Variants in MED1 observed in about 807,000 individuals in gnomAD.
MED1 encodes mediator of RNA polymerase II transcription subunit 1.
MED1 carries 17 observed loss-of-function variants against 121.3 expected under a neutral mutation model. The ratio of observed to expected loss-of-function variants is 0.14; its 90% CI spans 0.10 to 0.21. The LOEUF (loss-of-function observed/expected upper bound fraction) is 0.21. MED1 is among the 10% of genes least tolerant of loss of function. The pLI, the probability that MED1 is intolerant of heterozygous loss-of-function variation, is 1.00. For synonymous variants in MED1, 661 were observed against 694.4 expected (o/e 0.95, Z 0.76); for missense variants, 1,558 against 1,919.4 (o/e 0.81, Z 3.52).
intron 1 of MED1, among the ~76,000 whole-genome samples, chr17:39,450,026 C>G (rs1387307531): frequency 6.6e-6 from 1 of 151,796 alleles, no homozygotes; most frequent in Admixed American, 6.6e-5. Flanking sequence ...GTTGGTCAGG[C>G]TGGTCTCGAT....
intron 10 of MED1, among the ~76,000 whole-genome samples, chr17:39,426,730 C>A (rs112840084): frequency 2.6e-5 from 4 of 152,020 alleles, no homozygotes; most frequent in African/African-American, 7.2e-5. Flanking sequence ...GACAGGGTTT[C>A]TCCATGTTGG....
Position 39,406,559 on chromosome 17 carries a change from CTT to C in MED1, c.*914_*915del, listed in dbSNP as rs11390065. ...TTTACATCCCAACAAGCCACCTTAG[CTT>C]TTTTTTTTTTTTTTGAAAGGAAAAT... On this transcript the variant is annotated 3_prime_UTR_variant, in exon 17 of 17. Coordinates refer to ENST00000300651, the MANE Select transcript of MED1 (RefSeq NM_004774.4). The C allele has an allele frequency of 3.4e-4, 311 of 906,312 alleles. No individual in the cohort carries two copies. The highest frequency in any genetic ancestry group is 5.7e-4 in the Middle Eastern group (1 of 1,766). 56.1% of individuals were successfully genotyped at this position (906,312 alleles called of 1,614,324 possible).
intron 3 of MED1, among the ~76,000 whole-genome samples, chr17:39,442,469 C>A (rs775451132): frequency 1.4e-5 from 2 of 138,112 alleles, no homozygotes; most frequent in African/African-American, 6.3e-5. Flanking sequence ...TGGTGGGACG[C>A]GCCTGTAGTC....
At chr17:39,420,530 A>G (rs1336264137) in intron 13 of MED1, among the ~76,000 whole-genome samples, 1 of 151,964 alleles carries the variant, frequency 6.6e-6, no homozygotes, top group Non-Finnish European at 1.5e-5. Context: ...TAAAACACCT[A>G]TATAATAATA....
In MED1 at chr17:39,434,302, T is replaced by G; in HGVS notation, c.447A>C (p.Glu149Asp). The G allele has an allele frequency of 6.4e-7, 1 of 1,565,186 alleles. No individual in the cohort carries two copies. ...VQQLREKNFD[E>D]FSKHLKGLVN... The stretch of plus-strand genomic sequence containing the variant: ...CAAGGCCCTTAAGGTGCTTAGAAAA[T>G]TCATCAAAATTTTTTTCCCTATAAG... Residue 149 changes from glutamate to aspartate, a missense_variant, in exon 7 of 17, where the codon GAA becomes GAC. By Grantham distance (45) the Glu-to-Asp change is conservative. This residue lies in a region of MED1 where 443 missense variants were observed against 532.4 expected (regional missense o/e 0.83). Transcript: ENST00000300651.
intron 6 of MED1, among the ~76,000 whole-genome samples, chr17:39,437,419 G>A (rs2048630577): frequency 6.6e-6 from 1 of 152,070 alleles, no homozygotes; most frequent in African/African-American, 2.4e-5. Flanking sequence ...CCCAACCAGG[G>A]GTGATTTTGT....
At position 39,410,596 on chromosome 17, in the gene MED1, G is replaced by A. The variant is rs1213851905; in HGVS notation, c.1625C>T (p.Pro542Leu). The A allele has an allele frequency of 5.0e-6, 8 of 1,614,056 alleles. No individual in the cohort carries two copies. The highest frequency in any genetic ancestry group is 5.9e-6 in the Non-Finnish European group (7 of 1,180,046). ...CATGCCATACCCTGGGCTGCTAGCCGGGGGCAGGTTCTTTTTCACCATGTC... is the reference window on the plus strand; with the variant it reads ...CATGCCATACCCTGGGCTGCTAGCCAGGGGCAGGTTCTTTTTCACCATGTC... ...VEDMVKKNLP[P>L]ASSPGYGMTT... The change falls in exon 17 of 17, where the codon CCG (proline) becomes CTG (leucine). Residue 542 changes from proline (P) to leucine (L), a missense_variant. Coordinates refer to ENST00000300651, the MANE Select transcript of MED1 (RefSeq NM_004774.4).
chr17:39,429,604 G>A (rs1420974881), intron 9 of MED1, among the ~76,000 whole-genome samples: 3 of 144,504 alleles, frequency 2.1e-5, no homozygotes, highest in Non-Finnish European at 3.0e-5. Context: ...GCTGAGGCAA[G>A]AGAATTGCTG....
rs2048286515 is a variant in MED1 at position 39,404,372 on chromosome 17, TCTA to T, written c.*3100_*3102del. On this transcript the variant is annotated 3_prime_UTR_variant, in exon 17 of 17. Coordinates refer to ENST00000300651, the MANE Select transcript of MED1 (RefSeq NM_004774.4). Reference sequence around the variant, plus strand: ...GAAAAAAATCCCACAACAGATTTCATCTACTTTCAAAAAAATGAAAAACCCCAA... The same window carrying T: ...GAAAAAAATCCCACAACAGATTTCATCTTTCAAAAAAATGAAAAACCCCAA... The T allele has an allele frequency of 6.6e-6, 1 of 152,386 alleles. No individual in the cohort carries two copies. The highest frequency in any genetic ancestry group is 6.5e-5 in the Admixed American group (1 of 15,278). The allele number at this position is 152,386 out of a possible 1,614,324, so 9.4% of individuals were successfully genotyped here.
At chr17:39,448,879 A>C (rs1351182431) in intron 1 of MED1, among the ~76,000 whole-genome samples, 2 of 152,192 alleles carry the variant, frequency 1.3e-5, no homozygotes, top group East Asian at 1.9e-4. Context: ...ACTGCACTCC[A>C]ACCTGGGCAA....
chr17:39,405,134 T>C lies in MED1; in HGVS notation c.*2341A>G. On this transcript the variant is annotated 3_prime_UTR_variant, in exon 17 of 17. Transcript: ENST00000300651. ...TGTCCCAGGCTTGGTTTATTCTGCC[T>C]CTTCTCCTCCACCCTGTGGAGAAAT... 4 of 1,405,070 alleles carry C rather than the reference T, an allele frequency of 2.8e-6. No individual in the cohort carries two copies. The highest frequency in any genetic ancestry group is 3.8e-6 in the Non-Finnish European group (4 of 1,056,596). The allele number at this position is 1,405,070 out of a possible 1,614,324, so 87.0% of individuals were successfully genotyped here. A position where few individuals can be genotyped will look rare whatever the true frequency, so the allele number is the denominator to read the frequency against.
At position 39,405,422 on chromosome 17, in the gene MED1, T is replaced by C; in HGVS notation, c.*2053A>G. On this transcript the variant is annotated 3_prime_UTR_variant, in exon 17 of 17. Transcript: ENST00000300651. The stretch of plus-strand genomic sequence containing the variant: ...ACTATTCAGTACATTCCCCCTAAGA[T>C]TCTCCCCACTCAGAACAAATTTTAA... 1 of 1,427,964 alleles carries C rather than the reference T, an allele frequency of 7.0e-7. No individual in the cohort carries two copies. Among genetic ancestry groups the C allele is most frequent in the Non-Finnish European group, 9.2e-7 (1 of 1,081,740 alleles). 88.5% of individuals were successfully genotyped at this position (1,427,964 alleles called of 1,614,324 possible). A position where few individuals can be genotyped will look rare whatever the true frequency, so the allele number is the denominator to read the frequency against.
intron 2 of MED1, among the ~76,000 whole-genome samples, 183 bp downstream of exon 2, chr17:39,447,615 C>T (rs535718117): frequency 3.9e-5 from 6 of 152,164 alleles, no homozygotes; most frequent in Middle Eastern, 3.4e-3. Context: ...CACTTCCGGT[C>T]CCAAGCATTT....
In MED1 at chr17:39,407,504, GATC is replaced by G; in HGVS notation, c.4714_4716del (p.Asp1572del). 6.2e-7 allele frequency: 1 copy of G among 1,611,392 alleles called. No individual in the cohort carries two copies. Among genetic ancestry groups the G allele is most frequent in the South Asian group, 1.1e-5 (1 of 90,770 alleles). ...TTCCCAATCAGGGCCACATCCATAA[GATC>G]ATCATCTTCCTCCCCAATCATAAAG... On this transcript the variant is annotated inframe_deletion, in exon 17 of 17. Transcript: ENST00000300651.
Position 39,404,634 on chromosome 17 carries a change from A to C in MED1, c.*2841T>G, listed in dbSNP as rs142636174. The C allele has an allele frequency of 8.5e-5, 13 of 152,458 alleles. No homozygotes were observed. The East Asian group carries it at 1.9e-3, about 22-fold the overall frequency. 9.4% of individuals were successfully genotyped at this position (152,458 alleles called of 1,614,324 possible). ...GGGCAGGGGAGGAGGGGAGAAGGAA[A>C]AAAAAATGAGATTGCCCAAGGATTG... On this transcript the variant is annotated 3_prime_UTR_variant, in exon 17 of 17. Coordinates refer to ENST00000300651, the MANE Select transcript of MED1 (RefSeq NM_004774.4).
At position 39,405,373 on chromosome 17, in the gene MED1, G is replaced by GCA; in HGVS notation, c.*2100_*2101dup. ...ACTCATTTTGGTATTTGTTGGCCCT[G>GCA]CATGGGGGAGCTGAGCCCATGATAC... On this transcript the variant is annotated 3_prime_UTR_variant, in exon 17 of 17. Transcript: ENST00000300651. 1 of 1,562,006 alleles carries GCA rather than the reference G, an allele frequency of 6.4e-7. No individual in the cohort carries two copies. Among genetic ancestry groups the GCA allele is most frequent in the Non-Finnish European group, 8.7e-7 (1 of 1,152,654 alleles).
intron 2 of MED1, among the ~76,000 whole-genome samples, chr17:39,443,935 C>G (rs987531797): frequency 2.0e-5 from 3 of 152,004 alleles, no homozygotes; most frequent in Non-Finnish European, 4.4e-5. Context: ...TCGAGACCAG[C>G]CAAGGCAAGA....
At chr17:39,434,205 T>C in intron 7 of MED1, 44 bp downstream of exon 7, 1 of 1,363,270 alleles carries the variant, frequency 7.3e-7, no homozygotes, top group Non-Finnish European at 1.0e-6. Context: ...TATAGATTTA[T>C]ACTGATTTTT....
chr17:39,426,702 T>C (rs1244352559), intron 10 of MED1, among the ~76,000 whole-genome samples: 6 of 151,734 alleles, frequency 4.0e-5, no homozygotes, highest in Non-Finnish European at 7.4e-5. Flanking sequence ...GCCTGGCTAA[T>C]TTTGTATTTT....
Sources: gnomAD v4.1 joint callset for allele counts (sites outside exome capture counted in the v4.1 genomes callset) on GRCh38, gnomAD v4.1.1 for gene constraint, gnomAD v4.1.1 regional missense constraint, MANE v1.5 for transcripts, NCBI Gene and HGNC (gene_info 2026-07-23, HGNC 2026-07-21) for gene names.